OR51B5: variants seen among roughly 807,000 people sequenced by gnomAD.
OR51B5 encodes the protein olfactory receptor family 51 subfamily B member 5.
For synonymous variants in OR51B5, 186 were observed against 144.8 expected (o/e 1.28, Z -2.04); for missense variants, 456 against 374.6 (o/e 1.22, Z -1.79).
chr11:5,376,069 T>A (rs931534337), intron 1 of OR51B5, among the ~76,000 whole-genome samples: 21 of 151,734 alleles, frequency 1.4e-4, no homozygotes, highest in African/African-American at 5.1e-4. Flanking sequence ...GAAGTAAAGC[T>A]CTCCTCAGCA....
intron 1 of OR51B5, among the ~76,000 whole-genome samples, chr11:5,478,349 A>G (rs1333534557): frequency 6.7e-5 from 10 of 150,294 alleles, no homozygotes; most frequent in African/African-American, 2.4e-4. Flanking sequence ...TCCACACCAA[A>G]AACCCATCTG....
intron 1 of OR51B5, among the ~76,000 whole-genome samples, chr11:5,486,707 C>T (rs1309693711): frequency 6.6e-6 from 1 of 152,186 alleles, no homozygotes; most frequent in African/African-American, 2.4e-5. Context: ...AGCTAAGTGT[C>T]TGGGCTAGAT....
intron 1 of OR51B5, among the ~76,000 whole-genome samples, chr11:5,427,589 C>T (rs1850469277): frequency 6.6e-6 from 1 of 152,106 alleles, no homozygotes; most frequent in African/African-American, 2.4e-5. Context: ...AAGCTAGGAG[C>T]ACCTAGAAGT....
Position 5,422,504 on chromosome 11 carries a change from C to G in OR51B5, n.85-75594G>C, listed in dbSNP as rs777404627. The G allele has an allele frequency of 2.5e-6, 4 of 1,614,194 alleles. No individual in the cohort carries two copies. The South Asian group carries it at 4.4e-5, about 18-fold the overall frequency. ...AATCAGCTCTGAGGCCTGTTTTGCT[C>G]AGTTTTTCTTCCTTCATGGATTCTC... On this transcript the variant is annotated intron_variant and non_coding_transcript_variant, in intron 1 of 4. Coordinates refer to the OR51B5 transcript ENST00000415970.
chr11:5,377,495 C>T (rs1206640508), intron 1 of OR51B5, among the ~76,000 whole-genome samples: 3 of 152,062 alleles, frequency 2.0e-5, no homozygotes, highest in African/African-American at 7.2e-5. Context: ...AAAGGGTATT[C>T]AATTAAGAAA....
At chr11:5,358,619 G>C (rs868065415) in intron 1 of OR51B5, among the ~76,000 whole-genome samples, 1 of 152,100 alleles carries the variant, frequency 6.6e-6, no homozygotes, top group Non-Finnish European at 1.5e-5. Flanking sequence ...TAGTAAAAGA[G>C]GGAATCCTCC....
In OR51B5 at chr11:5,386,759, G is replaced by A. The variant is rs563074278; in HGVS notation, n.85-39849C>T. Among the ~76,000 whole-genome samples the A allele has an allele frequency of 3.3e-5, 5 of 152,006 alleles. No individual in the cohort carries two copies. In the South Asian group the frequency reaches 1.0e-3, roughly 32 times the overall value. On this transcript the variant is annotated intron_variant and non_coding_transcript_variant, in intron 1 of 4. Transcript: ENST00000415970. ...CAAGGACATTGGCTACAGAGATGAA[G>A]ATGAATAGATTACAGGGATAGATTA...
chr11:5,371,012 T>G (rs1849440390), intron 1 of OR51B5, among the ~76,000 whole-genome samples: 1 of 152,128 alleles, frequency 6.6e-6, no homozygotes, highest in South Asian at 2.1e-4. Flanking sequence ...TACACATGAT[T>G]GGGGCTACCC....
intron 1 of OR51B5, among the ~76,000 whole-genome samples, chr11:5,400,285 CAATT>C (rs1010746441): frequency 1.3e-5 from 2 of 152,054 alleles, no homozygotes; most frequent in South Asian, 2.1e-4. Context: ...TTTAGTCAGG[CAATT>C]AATTTTTTTC....
At position 5,415,857 on chromosome 11, in the gene OR51B5, A is replaced by G. The variant is rs752870798; in HGVS notation, n.85-68947T>C. Among the ~76,000 whole-genome samples the G allele has an allele frequency of 4.2e-3, 631 of 151,790 alleles. 4 individuals carry two copies. The highest frequency in any genetic ancestry group is 0.014 in the African/African-American group (572 of 41,414). On this transcript the variant is annotated intron_variant and non_coding_transcript_variant, in intron 1 of 4. Transcript: ENST00000415970. Reference sequence around the variant, plus strand: ...AATTCTACCAGAGGTACAAGGAGGAACTGGTACCATTCCTTCTGAAACTAT... The same window carrying G: ...AATTCTACCAGAGGTACAAGGAGGAGCTGGTACCATTCCTTCTGAAACTAT...
intron 1 of OR51B5, among the ~76,000 whole-genome samples, chr11:5,395,802 A>G (rs1037919157): frequency 6.6e-6 from 1 of 152,204 alleles, no homozygotes. Context: ...GCAAGAGCTC[A>G]TGGCTTCCCA....
At chr11:5,388,689 C>T (rs2133726906) in intron 1 of OR51B5, among the ~76,000 whole-genome samples, 1 of 151,428 alleles carries the variant, frequency 6.6e-6, no homozygotes, top group African/African-American at 2.4e-5. Flanking sequence ...ACCTTTTTTA[C>T]TTCATTAAAA....
intron 1 of OR51B5, among the ~76,000 whole-genome samples, chr11:5,430,397 C>T (rs1471114880): frequency 6.6e-6 from 1 of 152,156 alleles, no homozygotes; most frequent in Non-Finnish European, 1.5e-5. Context: ...TCCATTACTT[C>T]TGCCCCAAAG....
Position 5,407,807 on chromosome 11 carries a change from A to C in OR51B5, n.85-60897T>G, listed in dbSNP as rs550537117. Among the ~76,000 whole-genome samples the C allele has an allele frequency of 2.0e-5, 3 of 152,030 alleles. No individual in the cohort carries two copies. In the South Asian group the frequency reaches 6.3e-4, roughly 32 times the overall value. On this transcript the variant is annotated intron_variant and non_coding_transcript_variant, in intron 1 of 4. Coordinates refer to the OR51B5 transcript ENST00000415970. ...TTCAAAATATCCTTCATTCTCTTCAAATAAGCAAATAATTTATTTTTAATT... is the reference window on the plus strand; with the variant it reads ...TTCAAAATATCCTTCATTCTCTTCACATAAGCAAATAATTTATTTTTAATT...
chr11:5,371,300 G>T (rs1383168853), intron 1 of OR51B5, among the ~76,000 whole-genome samples: 1 of 151,986 alleles, frequency 6.6e-6, no homozygotes, highest in East Asian at 1.9e-4. Flanking sequence ...CTCAAACACA[G>T]AAGTTCAAAA....
intron 1 of OR51B5, among the ~76,000 whole-genome samples, chr11:5,350,324 A>C (rs1439072747): frequency 1.3e-5 from 2 of 152,214 alleles, no homozygotes; most frequent in Non-Finnish European, 2.9e-5. Context: ...AAAGTCCAGT[A>C]ATCTTGGATG....
At chr11:5,352,050 T>TGTC in intron 1 of OR51B5, 1 of 1,614,062 alleles carries the variant, frequency 6.2e-7, no homozygotes, top group East Asian at 2.2e-5. Flanking sequence ...TACACCAAGA[T>TGTC]GTCATCAAGC....
At chr11:5,344,919 A>G (rs1419824175), upstream of OR51B5, among the ~76,000 whole-genome samples, 3 of 152,224 alleles carry the variant, frequency 2.0e-5, no homozygotes, top group Admixed American at 6.5e-5. Context: ...TGAGGGGCCT[A>G]GAACTGCACC....
chr11:5,453,316 T>G (rs1041260699), intron 1 of OR51B5: 5 of 449,222 alleles, frequency 1.1e-5, no homozygotes, highest in Non-Finnish European at 1.9e-5. Flanking sequence ...GAAAAGGAGT[T>G]TGCCTGCATC....
Sources: allele counts gnomAD v4.1 joint callset (sites outside exome capture counted in the v4.1 genomes callset), GRCh38; gene constraint gnomAD v4.1.1; transcripts MANE v1.5; gene names NCBI Gene and HGNC (gene_info 2026-07-23, HGNC 2026-07-21).